ADAMTSL1: variants seen among roughly 807,000 people sequenced by gnomAD.
ADAMTSL1 encodes ADAMTS-like protein 1.
In ADAMTSL1, 126 loss-of-function variants were observed where a neutral mutation model predicts 201.8. The ratio of observed to expected loss-of-function variants is 0.62; its 90% CI spans 0.54 to 0.72. The LOEUF is 0.72. ADAMTSL1 is among the 30% of genes least tolerant of loss of function. ADAMTSL1 has a pLI of 0.00. For synonymous variants in ADAMTSL1, 1,121 were observed against 903.4 expected, an observed-to-expected ratio of 1.24 and a Z score of -4.32; for missense variants, 2,679 against 2,277.8, an observed-to-expected ratio of 1.18 and a Z score of -3.59.
Position 18,770,697 on chromosome 9 carries a change from C to T in ADAMTSL1, c.2313C>T (p.Phe771=), listed in dbSNP as rs1250235918. Residue 771 remains phenylalanine (F), a synonymous_variant, in exon 17 of 29, where the codon TTC becomes TTT. Coordinates refer to ENST00000380548, the MANE Select transcript of ADAMTSL1 (RefSeq NM_001040272.6). ...GCTTCCTGGAGCTTCCTGAGACCTT[C>T]TGTTCAGCTTCAAAACCTGCCTGCC... ...DGSFLELPET[F]CSASKPACQQ... 6.2e-7 allele frequency: 1 copy of T among 1,613,800 alleles called. No individual in the cohort carries two copies. The highest frequency in any genetic ancestry group is 1.1e-5 in the South Asian group (1 of 91,018).
intron 21 of ADAMTSL1, among the ~76,000 whole-genome samples, chr9:18,824,215 G>C (rs1360157797): frequency 6.6e-6 from 1 of 151,486 alleles, no homozygotes; most frequent in Non-Finnish European, 1.5e-5. Context: ...ACTAAGCTCA[G>C]GGTCCAAAGT....
At chr9:18,517,575 C>T in intron 2 of ADAMTSL1, among the ~76,000 whole-genome samples, 1 of 145,544 alleles carries the variant, frequency 6.9e-6, no homozygotes, top group Admixed American at 6.9e-5. Context: ...CCCCTCCCCC[C>T]ACACCACCAC....
chr9:18,247,802 A>G (rs1306563626), intron 2 of ADAMTSL1, among the ~76,000 whole-genome samples: 1 of 152,116 alleles, frequency 6.6e-6, no homozygotes, highest in Non-Finnish European at 1.5e-5. Context: ...AAGGAATACC[A>G]GTTGTAGACA....
At chr9:18,273,622 C>G (rs1264672751) in intron 2 of ADAMTSL1, among the ~76,000 whole-genome samples, 2 of 152,196 alleles carry the variant, frequency 1.3e-5, no homozygotes, top group Non-Finnish European at 2.9e-5. Context: ...CGGCATCATT[C>G]TTATTCTACC....
chr9:18,823,992 TAAGAAAGAAAAGGAAGG>T (rs1170542733), intron 21 of ADAMTSL1, among the ~76,000 whole-genome samples: 2 of 138,928 alleles, frequency 1.4e-5, no homozygotes, highest in Non-Finnish European at 3.1e-5. Flanking sequence ...TCCATCTCAA[TAAGAAAGAAAAGGAAGG>T]AAGGAAGGAA....
chr9:17,940,728 G>GA (rs201856497), intron 1 of ADAMTSL1, among the ~76,000 whole-genome samples: 21,608 of 78,750 alleles, frequency 0.27, 2,133 homozygotes, highest in Non-Finnish European at 0.32. Flanking sequence ...AAAAAAAAAA[G>GA]AAAAAAAAGA....
chr9:17,908,891 G>C (rs1421364436), intron 1 of ADAMTSL1, among the ~76,000 whole-genome samples: 1 of 151,966 alleles, frequency 6.6e-6, no homozygotes, highest in Non-Finnish European at 1.5e-5. Context: ...CTGAGGACTC[G>C]CCACACTGAC....
chr9:18,777,316 G>A lies in ADAMTSL1; in HGVS notation c.3087G>A (p.Leu1029=). The part of the protein sequence containing the change: ...SRYDDLVSRL[L]EQGGWPGELL... Reference sequence around the variant, plus strand: ...ACGACGACCTCGTCTCCCGGCTGCTGGAGCAGGGCGGCTGGCCCGGAGAGC... The same window carrying A: ...ACGACGACCTCGTCTCCCGGCTGCTAGAGCAGGGCGGCTGGCCCGGAGAGC... The change falls in exon 19 of 29, where the codon CTG becomes CTA. Residue 1029 remains leucine (L), a synonymous_variant. Coordinates refer to ENST00000380548, the MANE Select transcript of ADAMTSL1 (RefSeq NM_001040272.6). 1.2e-6 allele frequency: 2 copies of A among 1,602,112 alleles called. No individual in the cohort carries two copies. The highest frequency in any genetic ancestry group is 1.7e-6 in the Non-Finnish European group (2 of 1,174,532).
chr9:18,315,413 C>T (rs1011327341), intron 2 of ADAMTSL1, among the ~76,000 whole-genome samples: 2 of 151,742 alleles, frequency 1.3e-5, no homozygotes, highest in African/African-American at 4.8e-5. Flanking sequence ...AGGCTCGGGC[C>T]GTGTGGGAGC....
intron 2 of ADAMTSL1, among the ~76,000 whole-genome samples, chr9:18,249,975 T>C (rs55970620): frequency 0.034 from 5,107 of 152,338 alleles, 130 homozygotes; most frequent in Non-Finnish European, 0.055. Flanking sequence ...AATATATACT[T>C]ATTACAAATA....
chr9:18,633,264 G>C (rs759212929), intron 5 of ADAMTSL1, among the ~76,000 whole-genome samples: 51 of 152,154 alleles, frequency 3.4e-4, no homozygotes, highest in Non-Finnish European at 5.1e-4. Flanking sequence ...AACTTAAAAA[G>C]TCATGTCTTT....
At chr9:17,961,342 G>A (rs768242114) in intron 1 of ADAMTSL1, among the ~76,000 whole-genome samples, 7 of 151,996 alleles carry the variant, frequency 4.6e-5, no homozygotes, top group East Asian at 1.9e-4. Flanking sequence ...TCCACCTCCC[G>A]GGTTCAAGTG....
chr9:18,479,038 T>C (rs1563984887), intron 1 of ADAMTSL1, among the ~76,000 whole-genome samples: 2 of 152,180 alleles, frequency 1.3e-5, no homozygotes. Flanking sequence ...GGATCCTAAT[T>C]GAAATAGGCC....
intron 1 of ADAMTSL1, among the ~76,000 whole-genome samples, chr9:18,025,854 T>C (rs1820671048): frequency 6.6e-6 from 1 of 152,142 alleles, no homozygotes; most frequent in Non-Finnish European, 1.5e-5. Flanking sequence ...AGTATGACTA[T>C]TTTAACAATA....
At chr9:18,233,472 A>G (rs971730824) in intron 2 of ADAMTSL1, among the ~76,000 whole-genome samples, 1 of 152,148 alleles carries the variant, frequency 6.6e-6, no homozygotes, top group Non-Finnish European at 1.5e-5. Context: ...GAATCAAAAG[A>G]TAGCTTACTG....
At chr9:18,388,617 T>G (rs931461077) in intron 2 of ADAMTSL1, among the ~76,000 whole-genome samples, 36 of 152,208 alleles carry the variant, frequency 2.4e-4, no homozygotes, top group African/African-American at 6.5e-4. Context: ...GCCTTTTTTT[T>G]TTTGTTTTAA....
intron 23 of ADAMTSL1, among the ~76,000 whole-genome samples, chr9:18,847,683 G>C (rs1476607264): frequency 6.6e-6 from 1 of 152,166 alleles, no homozygotes; most frequent in Non-Finnish European, 1.5e-5. Flanking sequence ...AGCATCCCAG[G>C]CACAGGAAGA....
chr9:18,146,584 A>T (rs1310268809), intron 1 of ADAMTSL1, among the ~76,000 whole-genome samples: 1 of 152,184 alleles, frequency 6.6e-6, no homozygotes, highest in African/African-American at 2.4e-5. Context: ...GGTAAAACAC[A>T]GGGGACTTTT....
intron 2 of ADAMTSL1, among the ~76,000 whole-genome samples, chr9:18,516,209 C>G (rs1347850404): frequency 6.6e-6 from 1 of 151,872 alleles, no homozygotes; most frequent in African/African-American, 2.4e-5. Flanking sequence ...ACCCTGTTTT[C>G]CTTAGTTTCA....
Sources: gnomAD v4.1 joint callset for allele counts (sites outside exome capture counted in the v4.1 genomes callset) on GRCh38, gnomAD v4.1.1 for gene constraint, MANE v1.5 for transcripts, NCBI Gene and HGNC (gene_info 2026-07-23, HGNC 2026-07-21) for gene names.